Variants in AUTS2 observed in about 807,000 individuals in gnomAD.
The protein encoded by AUTS2 is autism susceptibility gene 2 protein.
A neutral mutation model predicts 112.4 loss-of-function variants in AUTS2; 17 were observed. The observed-to-expected ratio is 0.15, with a 90% CI of 0.10 to 0.23. AUTS2 has a LOEUF of 0.23. Among genes scored for constraint, AUTS2 ranks in the 10% least tolerant of loss-of-function variants. AUTS2 has a pLI of 1.00. For missense variants in AUTS2, 1,510 were observed against 1,701.6 expected, an observed-to-expected ratio of 0.89 and a Z score of 1.98; for synonymous variants, 751 against 702.7, an observed-to-expected ratio of 1.07 and a Z score of -1.09.
intron 1 of AUTS2, among the ~76,000 whole-genome samples, chr7:69,719,465 C>G (rs1380631449): frequency 6.6e-6 from 1 of 152,058 alleles, no homozygotes; most frequent in South Asian, 2.1e-4. Flanking sequence ...CTGGTAAGGT[C>G]TTTACATTTA....
chr7:70,721,509 A>C (rs934582857), intron 6 of AUTS2, among the ~76,000 whole-genome samples: 8 of 152,184 alleles, frequency 5.3e-5, no homozygotes, highest in African/African-American at 1.9e-4. Flanking sequence ...CATGTTGGCC[A>C]GGCTGGTCTC....
intron 5 of AUTS2, among the ~76,000 whole-genome samples, chr7:70,465,911 T>A (rs1797151534): frequency 6.6e-6 from 1 of 152,080 alleles, no homozygotes; most frequent in South Asian, 2.1e-4. Context: ...GAACAGCGAC[T>A]CTGGATCATA....
intron 6 of AUTS2, among the ~76,000 whole-genome samples, chr7:70,758,468 TTTTCCTAATCTCTTAA>T (rs1446540227): frequency 6.6e-6 from 1 of 152,182 alleles, no homozygotes; most frequent in Admixed American, 6.5e-5. Flanking sequence ...TGAAACCAAT[TTTTCCTAATCTCTTAA>T]AGTTTGTTTA....
In AUTS2 at chr7:69,598,842, T is replaced by A. The variant is rs1248261799; in HGVS notation, c.-812T>A. On this transcript the variant is annotated 5_prime_UTR_variant, in exon 1 of 19. Coordinates refer to ENST00000342771, the MANE Select transcript of AUTS2 (RefSeq NM_015570.4). Reference sequence around the variant, plus strand: ...TCTTTCATCTCCCTCTCCTCCCCCCTCGAAGACCGAAAAGCAAACCCCACA... The same window carrying A: ...TCTTTCATCTCCCTCTCCTCCCCCCACGAAGACCGAAAAGCAAACCCCACA... 6.6e-6 allele frequency: 1 copy of A among 151,868 alleles called. No individual in the cohort carries two copies. Among genetic ancestry groups the A allele is most frequent in the Non-Finnish European group, 1.5e-5 (1 of 68,162 alleles). 9.4% of individuals were successfully genotyped at this position (151,868 alleles called of 1,614,324 possible). A position where few individuals can be genotyped will look rare whatever the true frequency, so the allele number is the denominator to read the frequency against.
intron 2 of AUTS2, among the ~76,000 whole-genome samples, chr7:70,044,134 G>A (rs1251580396): frequency 2.0e-5 from 3 of 152,136 alleles, no homozygotes; most frequent in Non-Finnish European, 4.4e-5. Flanking sequence ...AGGCACAACA[G>A]CTCCCAGCAC....
rs999553405 is a variant in AUTS2 at position 70,271,715 on chromosome 7, C to T, written c.660+137144C>T. 5.9e-5 allele frequency among the ~76,000 whole-genome samples: 9 copies of T among 152,176 alleles called. No individual in the cohort carries two copies. In the East Asian group the frequency reaches 1.7e-3, roughly 29 times the overall value. ...TCAAAGAAACACATCACCCATATCCCTGTCTTTAAAAACAGCAATTATGTG... is the reference window on the plus strand; with the variant it reads ...TCAAAGAAACACATCACCCATATCCTTGTCTTTAAAAACAGCAATTATGTG... On this transcript the variant is annotated intron_variant, in intron 4 of 18. Coordinates refer to ENST00000342771, the MANE Select transcript of AUTS2 (RefSeq NM_015570.4).
At chr7:69,899,152 G>A (rs1562957614) in intron 1 of AUTS2, 134 bp from the exon 2 acceptor site, 3 of 642,136 alleles carry the variant, frequency 4.7e-6, no homozygotes, top group Non-Finnish European at 8.2e-6. Flanking sequence ...TTAGTTTTGG[G>A]TCTTCTCATA....
At chr7:69,936,342 T>G (rs1204084152) in intron 2 of AUTS2, among the ~76,000 whole-genome samples, 5 of 152,054 alleles carry the variant, frequency 3.3e-5, no homozygotes, top group South Asian at 2.1e-4. Flanking sequence ...CTACAGATTT[T>G]TTTTGTTTTG....
intron 4 of AUTS2, chr7:70,292,806 TCCTTTGAGTGAGTGAG>T (rs1469827894): frequency 2.0e-5 from 3 of 152,188 alleles, no homozygotes; most frequent in Non-Finnish European, 4.4e-5. Flanking sequence ...AAAATGGTAT[TCCTTTGAGTGAGTGAG>T]CCACAGAGAC....
At chr7:70,134,644 G>C in intron 4 of AUTS2, 73 bp downstream of exon 4, 2 of 1,365,334 alleles carry the variant, frequency 1.5e-6, no homozygotes, top group South Asian at 2.4e-5. Context: ...ATGCTCATTG[G>C]GATATGAAAA....
chr7:70,269,916 A>G (rs771360725), intron 4 of AUTS2, among the ~76,000 whole-genome samples: 4 of 152,144 alleles, frequency 2.6e-5, no homozygotes, highest in Non-Finnish European at 4.4e-5. Flanking sequence ...GCTTGTTCCT[A>G]TAATTCCAGT....
intron 4 of AUTS2, among the ~76,000 whole-genome samples, chr7:70,206,331 C>T (rs767681408): frequency 6.6e-6 from 1 of 151,958 alleles, no homozygotes; most frequent in Non-Finnish European, 1.5e-5. Flanking sequence ...ACTAGAGATA[C>T]GTGGAGACAT....
chr7:70,231,377 G>C (rs1310513064), intron 4 of AUTS2, among the ~76,000 whole-genome samples: 1 of 152,142 alleles, frequency 6.6e-6, no homozygotes, highest in Non-Finnish European at 1.5e-5. Flanking sequence ...TTTCATCCCA[G>C]AGTTAACCAC....
chr7:69,707,809 CACTA>C (rs1404902621), intron 1 of AUTS2, among the ~76,000 whole-genome samples: 1 of 152,192 alleles, frequency 6.6e-6, no homozygotes, highest in Non-Finnish European at 1.5e-5. Flanking sequence ...TGCCTAATAA[CACTA>C]ACTTTCTTTA....
chr7:70,776,836 C>T (rs145170336), intron 13 of AUTS2: 19 of 489,938 alleles, frequency 3.9e-5, no homozygotes, highest in African/African-American at 7.8e-5. Context: ...AGGCTTTTGC[C>T]GTCTTGTCCT....
In AUTS2 at chr7:70,793,312, A is replaced by G. The variant is rs1254931112; in HGVS notation, c.*2316A>G. On this transcript the variant is annotated 3_prime_UTR_variant, in exon 19 of 19. Coordinates refer to ENST00000342771, the MANE Select transcript of AUTS2 (RefSeq NM_015570.4). ...TGCTTGCTCGTTGTATTGCATTTCAATCTGTGGACTCGGTCAGTCATATGT... is the reference window on the plus strand; with the variant it reads ...TGCTTGCTCGTTGTATTGCATTTCAGTCTGTGGACTCGGTCAGTCATATGT... The G allele has an allele frequency of 3.9e-5, 6 of 152,012 alleles. No homozygotes were observed. The highest frequency in any genetic ancestry group is 2.0e-4 in the Admixed American group (3 of 15,248). The allele number at this position is 152,012 out of a possible 1,614,324, so 9.4% of individuals were successfully genotyped here.
chr7:69,650,818 T>A (rs1291571332), intron 1 of AUTS2, among the ~76,000 whole-genome samples: 2 of 152,236 alleles, frequency 1.3e-5, no homozygotes, highest in African/African-American at 4.8e-5. Flanking sequence ...CCTTTGTCCC[T>A]TGGGTCTCAC....
In AUTS2 at chr7:70,616,602, G is replaced by A. The variant is rs1012284711; in HGVS notation, c.691-81967G>A. ...TGTTGAGTCCCCAGTGCCTGACACT[G>A]TGCTCTGCACACCATATGTGGTCAA... On this transcript the variant is annotated intron_variant, in intron 5 of 18. Coordinates refer to ENST00000342771, the MANE Select transcript of AUTS2 (RefSeq NM_015570.4). Among the ~76,000 whole-genome samples, 3 of 152,196 alleles carry A rather than the reference G, an allele frequency of 2.0e-5. No homozygotes were observed. In the South Asian group the frequency reaches 6.2e-4, roughly 31 times the overall value.
chr7:70,744,981 A>T (rs1197865903), intron 6 of AUTS2, among the ~76,000 whole-genome samples: 4 of 152,062 alleles, frequency 2.6e-5, no homozygotes, highest in Admixed American at 2.6e-4. Flanking sequence ...GCAGTGATGC[A>T]TTGCAGGCTC....
Sources: allele counts gnomAD v4.1 joint callset (sites outside exome capture counted in the v4.1 genomes callset), GRCh38; gene constraint gnomAD v4.1.1; transcripts MANE v1.5; gene names NCBI Gene and HGNC (gene_info 2026-07-23, HGNC 2026-07-21).